PDE4D: variants seen among roughly 807,000 people sequenced by gnomAD.
The protein encoded by PDE4D is phosphodiesterase 4D.
In PDE4D, 24 loss-of-function variants were observed where a neutral mutation model predicts 87.4. The observed-to-expected ratio is 0.27, with a 90% CI of 0.20 to 0.39. The LOEUF (loss-of-function observed/expected upper bound fraction) is 0.39. PDE4D is among the 10% of genes least tolerant of loss of function. The probability of loss-of-function intolerance (pLI) is 1.00; values close to 1 mark genes in which losing one functional copy is unlikely to be tolerated. For synonymous variants in PDE4D, 384 were observed against 383.2 expected (o/e 1.00, Z -0.02); for missense variants, 714 against 1,041.0 (o/e 0.69, Z 4.32).
chr5:59,047,141 T>G (rs1760836985), intron 5 of PDE4D, among the ~76,000 whole-genome samples: 1 of 152,238 alleles, frequency 6.6e-6, no homozygotes, highest in Non-Finnish European at 1.5e-5. Flanking sequence ...CACTTTCTCC[T>G]GGACTCAAGT....
intron 1 of PDE4D, among the ~76,000 whole-genome samples, chr5:59,642,822 ATC>A (rs1380106711): frequency 6.6e-6 from 1 of 152,208 alleles, no homozygotes; most frequent in Non-Finnish European, 1.5e-5. Flanking sequence ...AAATTTGTTC[ATC>A]TGATTTTTCT....
chr5:59,998,476 A>T (rs1763720096), intron 2 of PDE4D, among the ~76,000 whole-genome samples: 1 of 152,176 alleles, frequency 6.6e-6, no homozygotes, highest in Non-Finnish European at 1.5e-5. Context: ...TCTCATTTAT[A>T]AAAACAAACA....
At chr5:59,589,411 G>T (rs931754910) in intron 1 of PDE4D, among the ~76,000 whole-genome samples, 1 of 152,060 alleles carries the variant, frequency 6.6e-6, no homozygotes, top group African/African-American at 2.4e-5. Context: ...CAGTAGATCT[G>T]GAAGAGAATT....
intron 1 of PDE4D, among the ~76,000 whole-genome samples, chr5:60,481,393 T>C (rs1387020699): frequency 6.6e-6 from 1 of 152,134 alleles, no homozygotes; most frequent in Non-Finnish European, 1.5e-5. Flanking sequence ...AATACTTTTG[T>C]TGATCCCTAG....
intron 5 of PDE4D, among the ~76,000 whole-genome samples, chr5:59,126,175 A>T (rs1203663184): frequency 6.6e-6 from 1 of 152,042 alleles, no homozygotes; most frequent in Admixed American, 6.6e-5. Context: ...GGAAGGAAGG[A>T]AAAAAGGAAG....
Position 58,975,760 on chromosome 5 carries a change from C to T in PDE4D, c.1910G>A (p.Arg637Gln), listed in dbSNP as rs369556531. 4.3e-6 allele frequency: 7 copies of T among 1,613,068 alleles called. No individual in the cohort carries two copies. Among genetic ancestry groups the T allele is most frequent in the Non-Finnish European group, 5.1e-6 (6 of 1,179,408 alleles). ...TTGGCGGAAGAACTCCTCCATTATC[C>T]GGTCCGTCCACTGGCGGTACAGCTG... is the stretch of plus-strand genomic sequence containing the variant. ...PLQLYRQWTD[R>Q]IMEEFFRQGD... The change falls in exon 14 of 15, where the codon CGG becomes CAG. Residue 637 changes from arginine to glutamine, a missense_variant. By Grantham distance (43) the Arg-to-Gln change is conservative (BLOSUM62 1). This residue lies in a region of PDE4D where 97 missense variants were observed against 176.9 expected (regional missense o/e 0.55). Transcript: ENST00000340635. The surrounding 1 kb of genome is among the most constrained non-coding windows in gnomAD (Gnocchi z 4.2).
intron 1 of PDE4D, among the ~76,000 whole-genome samples, chr5:59,350,583 C>T (rs1170035468): frequency 6.6e-6 from 1 of 152,162 alleles, no homozygotes; most frequent in Non-Finnish European, 1.5e-5. Context: ...TCATTCAATA[C>T]ACAAACGCCA....
chr5:60,408,231 G>A (rs996972286), intron 1 of PDE4D, among the ~76,000 whole-genome samples: 3 of 152,122 alleles, frequency 2.0e-5, no homozygotes, highest in Non-Finnish European at 4.4e-5. Flanking sequence ...AGCTTCCTGC[G>A]TGAGCATAAA....
At chr5:59,003,999 T>C (rs1417187893) in intron 6 of PDE4D, among the ~76,000 whole-genome samples, 2 of 152,138 alleles carry the variant, frequency 1.3e-5, no homozygotes, top group Non-Finnish European at 2.9e-5. Context: ...CCATCAATTT[T>C]ATTCTTTGAC....
intron 2 of PDE4D, among the ~76,000 whole-genome samples, chr5:60,057,612 A>C (rs1770920002): frequency 6.6e-6 from 1 of 151,892 alleles, no homozygotes; most frequent in Admixed American, 6.6e-5. Flanking sequence ...GCTAGTGTTG[A>C]GTTTTTGAGG....
At chr5:59,382,766 T>C (rs764216413) in intron 1 of PDE4D, among the ~76,000 whole-genome samples, 14 of 152,198 alleles carry the variant, frequency 9.2e-5, no homozygotes, top group Non-Finnish European at 1.6e-4. Context: ...GGGGTCAGAC[T>C]GACCTGGACT....
chr5:59,518,681 A>G (rs1356555682), intron 1 of PDE4D, among the ~76,000 whole-genome samples: 1 of 152,208 alleles, frequency 6.6e-6, no homozygotes, highest in Non-Finnish European at 1.5e-5. Context: ...CTTATCCCCA[A>G]TTCAGGCATT....
At chr5:59,524,582 C>T (rs1812751625) in intron 1 of PDE4D, among the ~76,000 whole-genome samples, 1 of 152,184 alleles carries the variant, frequency 6.6e-6, no homozygotes, top group African/African-American at 2.4e-5. Flanking sequence ...AAATTCCAGC[C>T]AGCTGCAGAA....
intron 3 of PDE4D, among the ~76,000 whole-genome samples, chr5:59,936,033 C>T (rs939408439): frequency 6.6e-6 from 1 of 152,214 alleles, no homozygotes; most frequent in African/African-American, 2.4e-5. Flanking sequence ...AATTGCCACA[C>T]TGACTTCCAT....
At position 59,146,781 on chromosome 5, in the gene PDE4D, C is replaced by T. The variant is rs116656393; in HGVS notation, c.808+33814G>A. Among the ~76,000 whole-genome samples, 673 of 152,166 alleles carry T rather than the reference C, an allele frequency of 4.4e-3. 12 individuals carry two copies. The highest frequency in any genetic ancestry group is 0.016 in the African/African-American group (645 of 41,510). ...TTTATTTCCTGAGAAAAAAAATTAC[C>T]TTTTGATAAAATAAGTAGAAATGCT... is the stretch of plus-strand genomic sequence containing the variant. On this transcript the variant is annotated intron_variant, in intron 5 of 14. Transcript: ENST00000340635.
intron 1 of PDE4D, among the ~76,000 whole-genome samples, chr5:59,848,922 A>G (rs1744277431): frequency 6.6e-6 from 1 of 152,002 alleles, no homozygotes. Context: ...TGACATGACA[A>G]CAGGAATATG....
At chr5:59,622,512 TG>T in intron 1 of PDE4D, among the ~76,000 whole-genome samples, 1 of 152,188 alleles carries the variant, frequency 6.6e-6, no homozygotes, top group Non-Finnish European at 1.5e-5. Flanking sequence ...CCTTAATGTA[TG>T]GCTATTATTA....
intron 2 of PDE4D, among the ~76,000 whole-genome samples, chr5:60,157,844 ATTCTT>A (rs975199454): frequency 7.9e-5 from 12 of 152,092 alleles, no homozygotes; most frequent in Non-Finnish European, 1.3e-4. Flanking sequence ...AAAATGAACC[ATTCTT>A]TTCTTTTCTT....
At chr5:59,931,877 G>A (rs6861254) in intron 3 of PDE4D, among the ~76,000 whole-genome samples, 12,697 of 151,558 alleles carry the variant, frequency 0.084, 1,752 homozygotes, top group African/African-American at 0.29. Flanking sequence ...AATTTTTTGT[G>A]ATTTTAGCAG....
Sources: allele counts gnomAD v4.1 joint callset (sites outside exome capture counted in the v4.1 genomes callset), GRCh38; gene constraint gnomAD v4.1.1; regional missense constraint gnomAD v4.1.1; non-coding constraint Gnocchi (gnomAD v3.1); transcripts MANE v1.5; gene names NCBI Gene and HGNC (gene_info 2026-07-23, HGNC 2026-07-21).